The following PIK3C2G variants were observed in gnomAD, a reference collection of about 807,000 sequenced individuals.
PIK3C2G encodes the protein phosphatidylinositol 3-kinase C2 domain-containing subunit gamma.
PIK3C2G carries 168 observed loss-of-function variants against 181.1 expected under a neutral mutation model. The ratio of observed to expected loss-of-function variants is 0.93; its 90% CI spans 0.82 to 1.05. PIK3C2G has a LOEUF of 1.05. Among genes scored for constraint, PIK3C2G ranks in the 50% least tolerant of loss-of-function variants. The probability of loss-of-function intolerance (pLI) is 0.00; values close to 1 mark genes in which losing one functional copy is unlikely to be tolerated. For synonymous variants in PIK3C2G, 573 were observed against 592.2 expected (o/e 0.97, Z 0.47); for missense variants, 1,869 against 1,732.8 (o/e 1.08, Z -1.40).
the PIK3C2G span, among the ~76,000 whole-genome samples, chr12:18,690,783 G>C: frequency 3.8e-3 from 586 of 152,234 alleles, 5 homozygotes; most frequent in African/African-American, 0.013. Context: ...GTCACAGGAA[G>C]AGCCTACGCA....
chr12:18,477,701 T>A (rs548424471), intron 18 of PIK3C2G, among the ~76,000 whole-genome samples: 6 of 152,320 alleles, frequency 3.9e-5, no homozygotes, highest in East Asian at 3.9e-4. Context: ...CCAGATCTTA[T>A]GGATAATGTC....
rs1277585941 is a variant in PIK3C2G, at chr12:18,421,050, T to C, written c.2409+16T>C. The C allele has an allele frequency of 1.5e-6, 2 of 1,372,918 alleles. No homozygotes were observed. Among genetic ancestry groups the C allele is most frequent in the East Asian group, 2.3e-5 (1 of 43,452 alleles). 85.0% of individuals were successfully genotyped at this position (1,372,918 alleles called of 1,614,324 possible). A position where few individuals can be genotyped will look rare whatever the true frequency, so the allele number is the denominator to read the frequency against. On this transcript the variant is annotated intron_variant, in intron 17 of 32. Transcript: ENST00000538779. ...GCTAGTTCAGGTAAGAATAGAAGAG[T>C]TGCTAAGGAAACCCAGGGTTTTAAC... is the stretch of plus-strand genomic sequence containing the variant.
the PIK3C2G span, among the ~76,000 whole-genome samples, chr12:18,668,814 T>G: frequency 2.0e-5 from 3 of 152,192 alleles, no homozygotes; most frequent in Non-Finnish European, 4.4e-5. Flanking sequence ...CTCTGATACA[T>G]ATCTACTCAT....
chr12:18,506,723 A>G (rs1301500540), intron 24 of PIK3C2G, among the ~76,000 whole-genome samples: 1 of 152,248 alleles, frequency 6.6e-6, no homozygotes, highest in Non-Finnish European at 1.5e-5. Flanking sequence ...TAAGGAAATC[A>G]GAAGTTGAAC....
chr12:18,473,157 G>A (rs1026965093), intron 18 of PIK3C2G, among the ~76,000 whole-genome samples: 1 of 152,084 alleles, frequency 6.6e-6, no homozygotes, highest in Non-Finnish European at 1.5e-5. Flanking sequence ...TGCATGTTGA[G>A]GAAGGAAGAT....
intron 9 of PIK3C2G, among the ~76,000 whole-genome samples, 157 bp downstream of exon 9, chr12:18,338,705 G>A (rs1443936345): frequency 6.9e-6 from 1 of 145,852 alleles, no homozygotes; most frequent in African/African-American, 2.6e-5. Flanking sequence ...GTGTGTGTGT[G>A]TGTGCATGCA....
chr12:18,638,104 G>A (rs562160805), intron 31 of PIK3C2G, among the ~76,000 whole-genome samples: 1 of 152,172 alleles, frequency 6.6e-6, no homozygotes, highest in South Asian at 2.1e-4. Flanking sequence ...TTATTTTGGA[G>A]TGTAGCACAC....
intron 7 of PIK3C2G, among the ~76,000 whole-genome samples, chr12:18,323,560 A>G (rs750864010): frequency 2.0e-5 from 3 of 152,096 alleles, no homozygotes; most frequent in African/African-American, 7.2e-5. Flanking sequence ...AGGCCACTGT[A>G]GAACTTTACT....
intron 16 of PIK3C2G, among the ~76,000 whole-genome samples, chr12:18,407,371 A>C (rs1944596397): frequency 6.6e-6 from 1 of 152,134 alleles, no homozygotes; most frequent in African/African-American, 2.4e-5. Context: ...GACTTGAAAT[A>C]CAGAAAAACC....
At chr12:18,710,966 G>T in the PIK3C2G span, among the ~76,000 whole-genome samples, 2 of 152,110 alleles carry the variant, frequency 1.3e-5, no homozygotes, top group South Asian at 4.1e-4. Context: ...CATTGTGGAA[G>T]TCAGTGTGGC....
the PIK3C2G span, among the ~76,000 whole-genome samples, chr12:18,726,728 CAG>C: frequency 6.6e-6 from 1 of 152,212 alleles, no homozygotes; most frequent in Middle Eastern, 3.4e-3. Context: ...TTTATCAAAA[CAG>C]AATTTACTTT....
intron 26 of PIK3C2G, among the ~76,000 whole-genome samples, chr12:18,547,681 T>G (rs961363595): frequency 3.9e-5 from 5 of 128,480 alleles, no homozygotes; most frequent in Non-Finnish European, 8.6e-5. Flanking sequence ...AACCCTGCCT[T>G]CTTGCTATCT....
At position 18,399,867 on chromosome 12, in the gene PIK3C2G, CATG is replaced by C. The variant is rs1189514448; in HGVS notation, c.2315+23_2315+25del. The C allele has an allele frequency of 6.7e-7, 1 of 1,490,204 alleles. No individual in the cohort carries two copies. The highest frequency in any genetic ancestry group is 9.1e-7 in the Non-Finnish European group (1 of 1,092,966). The allele number at this position is 1,490,204 out of a possible 1,614,324, so 92.3% of individuals were successfully genotyped here. A position where few individuals can be genotyped will look rare whatever the true frequency, so the allele number is the denominator to read the frequency against. On this transcript the variant is annotated intron_variant, in intron 16 of 32. Transcript: ENST00000538779. The stretch of plus-strand genomic sequence containing the variant: ...TTCCAGGTAAGAATTGCATAACAAG[CATG>C]ATATTACTGACTGAGAAGAACTTGC...
intron 18 of PIK3C2G, among the ~76,000 whole-genome samples, chr12:18,427,842 A>G (rs1279536231): frequency 6.6e-6 from 1 of 152,182 alleles, no homozygotes; most frequent in Admixed American, 6.5e-5. Flanking sequence ...AAGAAGGAAT[A>G]GAAAAGAATA....
chr12:18,719,487 G>A, the PIK3C2G span: 1 of 1,586,646 alleles, frequency 6.3e-7, no homozygotes, highest in South Asian at 1.2e-5. Context: ...CCAAATATGT[G>A]TTATGTGAAG....
intron 11 of PIK3C2G, among the ~76,000 whole-genome samples, chr12:18,361,047 T>C (rs1941194010): frequency 1.3e-5 from 2 of 152,146 alleles, no homozygotes. Flanking sequence ...CCCATTATTC[T>C]CTTTGGCTTT....
At chr12:18,427,140 T>C (rs57076159) in intron 18 of PIK3C2G, among the ~76,000 whole-genome samples, 1,617 of 152,158 alleles carry the variant, frequency 0.011, 24 homozygotes, top group African/African-American at 0.037. Flanking sequence ...AAAAGTAACA[T>C]AGCCAGATAA....
At chr12:18,724,948 C>T in the PIK3C2G span, among the ~76,000 whole-genome samples, 1 of 152,020 alleles carries the variant, frequency 6.6e-6, no homozygotes, top group Non-Finnish European at 1.5e-5. Context: ...AGAGTATAAG[C>T]TTGGTCATCC....
At chr12:18,424,453 A>T (rs1475623996) in intron 18 of PIK3C2G, among the ~76,000 whole-genome samples, 2 of 152,206 alleles carry the variant, frequency 1.3e-5, no homozygotes, top group African/African-American at 4.8e-5. Context: ...TCAAAGGCTA[A>T]TGTATACTCA....
Sources: gnomAD v4.1 joint callset for allele counts (sites outside exome capture counted in the v4.1 genomes callset) on GRCh38, gnomAD v4.1.1 for gene constraint, MANE v1.5 for transcripts, NCBI Gene and HGNC (gene_info 2026-07-23, HGNC 2026-07-21) for gene names.